Variants in ERBIN observed in about 807,000 individuals in gnomAD.
ERBIN encodes the protein densin-180-like protein.
ERBIN carries 60 observed loss-of-function variants against 158.4 expected under a neutral mutation model. That is an observed-to-expected ratio of 0.38 (90% CI 0.31 to 0.47). The LOEUF (loss-of-function observed/expected upper bound fraction) is 0.47, where lower values mean the gene tolerates loss of function less well. Ranked by LOEUF, ERBIN falls within the 20% of genes least tolerant of loss-of-function variation. The pLI is 0.99. For missense variants in ERBIN, 1,610 were observed against 1,648.0 expected (o/e 0.98, Z 0.40); for synonymous variants, 594 against 557.2 (o/e 1.07, Z -0.93).
chr5:65,933,219 G>A (rs1743658834), intron 1 of ERBIN, among the ~76,000 whole-genome samples: 1 of 152,138 alleles, frequency 6.6e-6, no homozygotes, highest in Non-Finnish European at 1.5e-5. Flanking sequence ...TGCTTTTGGT[G>A]TATGTCATGC....
At chr5:66,055,190 T>C (rs1251190498) in intron 21 of ERBIN, 1 of 948,628 alleles carries the variant, frequency 1.1e-6, no homozygotes, top group East Asian at 3.9e-5. Flanking sequence ...ATTTTATATG[T>C]TTATGTGTCT....
chr5:65,965,559 C>CACGCCTGGCTA, intron 1 of ERBIN, among the ~76,000 whole-genome samples: 1 of 151,650 alleles, frequency 6.6e-6, no homozygotes, highest in South Asian at 2.1e-4. Flanking sequence ...CATGTGCTAC[C>CACGCCTGGCTA]ATTTTTGTAT....
intron 1 of ERBIN, among the ~76,000 whole-genome samples, chr5:65,974,659 A>G (rs1451692375): frequency 6.6e-6 from 1 of 152,210 alleles, no homozygotes; most frequent in African/African-American, 2.4e-5. Context: ...TACCTCAGCC[A>G]TTGCTTTTGG....
chr5:66,060,637 G>A (rs1760174597), intron 21 of ERBIN, among the ~76,000 whole-genome samples: 1 of 152,136 alleles, frequency 6.6e-6, no homozygotes, highest in South Asian at 2.1e-4. Context: ...ATGTTAGGGT[G>A]TCAATTTTAG....
In ERBIN at chr5:66,061,796, C is replaced by T. The variant is rs933720133; in HGVS notation, c.3633+6845C>T. Among the ~76,000 whole-genome samples, 31 of 152,260 alleles carry T rather than the reference C, an allele frequency of 2.0e-4. 1 individual carries two copies. Among genetic ancestry groups the T allele is most frequent in the African/African-American group, 5.8e-4 (24 of 41,536 alleles). Reference sequence around the variant, plus strand: ...TGTAAGGTATTTTATTTCTCCTTCACTTATGAAGCTTAGTTTGGCTGGATA... The same window carrying T: ...TGTAAGGTATTTTATTTCTCCTTCATTTATGAAGCTTAGTTTGGCTGGATA... On this transcript the variant is annotated intron_variant, in intron 21 of 25. Transcript: ENST00000284037.
intron 4 of ERBIN, among the ~76,000 whole-genome samples, chr5:66,005,697 A>G (rs1753509362): frequency 6.6e-6 from 1 of 152,204 alleles, no homozygotes; most frequent in Non-Finnish European, 1.5e-5. Flanking sequence ...CAACTTCAGC[A>G]AAGTCTCAGG....
At chr5:65,946,360 T>C (rs998654936) in intron 1 of ERBIN, among the ~76,000 whole-genome samples, 5 of 151,478 alleles carry the variant, frequency 3.3e-5, no homozygotes, top group African/African-American at 1.2e-4. Context: ...CAAGACTCAG[T>C]CTCATAAATG....
intron 4 of ERBIN, among the ~76,000 whole-genome samples, chr5:65,998,683 G>T (rs541892025): frequency 6.6e-6 from 1 of 151,960 alleles, no homozygotes; most frequent in Non-Finnish European, 1.5e-5. Flanking sequence ...GATCCCTTGA[G>T]CTCAGGAGTT....
intron 15 of ERBIN, among the ~76,000 whole-genome samples, chr5:66,039,894 G>T (rs187626791): frequency 6.3e-4 from 95 of 151,958 alleles, no homozygotes; most frequent in Non-Finnish European, 1.1e-3. Flanking sequence ...AATAGGTTTT[G>T]CTACATCTAA....
chr5:65,950,120 C>T (rs1310161417), intron 1 of ERBIN, among the ~76,000 whole-genome samples: 3 of 152,208 alleles, frequency 2.0e-5, no homozygotes, highest in Non-Finnish European at 4.4e-5. Flanking sequence ...ATTCTCCTGC[C>T]TCGGCCTCTT....
intron 4 of ERBIN, among the ~76,000 whole-genome samples, chr5:66,011,486 G>A (rs531524432): frequency 3.3e-5 from 5 of 152,246 alleles, no homozygotes; most frequent in Middle Eastern, 6.8e-3. Context: ...TCAGGAGTTC[G>A]AGACCAGTCT....
intron 1 of ERBIN, among the ~76,000 whole-genome samples, chr5:65,982,990 A>G (rs187125911): frequency 3.9e-5 from 6 of 152,290 alleles, no homozygotes; most frequent in Admixed American, 3.9e-4. Context: ...ATATGATTGT[A>G]TTTCTCTACC....
At chr5:66,073,368 C>G (rs1372734694) in intron 22 of ERBIN, among the ~76,000 whole-genome samples, 1 of 152,124 alleles carries the variant, frequency 6.6e-6, no homozygotes, top group Non-Finnish European at 1.5e-5. Context: ...AAATCAGTTG[C>G]ATTAAATCTA....
chr5:66,050,717 C>A, intron 19 of ERBIN, 66 bp from the exon 20 acceptor site: 1 of 1,034,220 alleles, frequency 9.7e-7, no homozygotes, highest in South Asian at 1.9e-5. Flanking sequence ...CATTTGTCAT[C>A]ACTGAAAAGA....
At position 66,013,417 on chromosome 5, in the gene ERBIN, A is replaced by G. The variant is rs1754410267; in HGVS notation, c.387-132A>G. The G allele has an allele frequency of 1.0e-5, 7 of 689,340 alleles. No homozygotes were observed. In the Admixed American group the frequency reaches 1.8e-4, roughly 18 times the overall value. The allele number at this position is 689,340 out of a possible 1,614,324, so 42.7% of individuals were successfully genotyped here. A position where few individuals can be genotyped will look rare whatever the true frequency, so the allele number is the denominator to read the frequency against. On this transcript the variant is annotated intron_variant, in intron 5 of 25. Transcript: ENST00000284037. Reference sequence around the variant, plus strand: ...AAGGCAAATCTTTGAAGGGGCTCTCATAAAAGTAGCCACTCATAACAGAAG... The same window carrying G: ...AAGGCAAATCTTTGAAGGGGCTCTCGTAAAAGTAGCCACTCATAACAGAAG...
At chr5:66,055,375 C>G (rs991017031) in intron 21 of ERBIN, among the ~76,000 whole-genome samples, 8 of 151,936 alleles carry the variant, frequency 5.3e-5, no homozygotes, top group African/African-American at 1.4e-4. Flanking sequence ...ATATTTTTTC[C>G]CCAGTCCACA....
chr5:66,010,872 ATTAT>A (rs1754128043), intron 4 of ERBIN, among the ~76,000 whole-genome samples: 1 of 152,154 alleles, frequency 6.6e-6, no homozygotes, highest in African/African-American at 2.4e-5. Flanking sequence ...TAGTCCACAA[ATTAT>A]TTATTACTTT....
chr5:66,060,775 T>G (rs1002123897), intron 21 of ERBIN, among the ~76,000 whole-genome samples: 2 of 152,236 alleles, frequency 1.3e-5, no homozygotes, highest in Non-Finnish European at 2.9e-5. Context: ...ACATCTTTTT[T>G]TTCTACCTTC....
Position 66,076,319 on chromosome 5 carries a change from C to G in ERBIN, c.3967C>G (p.Arg1323Gly), listed in dbSNP as rs1363604870. ...CTTTATTTTCATATTAACTCAGATT[C>G]GAGTGAGGGTTGAAAAGGATCCAGA... ...QGHELAKQEI[R>G]VRVEKDPELG... The change falls in exon 24 of 26, where the codon CGA becomes GGA. Residue 1323 changes from arginine (R) to glycine (G), a missense_variant. Coordinates refer to ENST00000284037, the MANE Select transcript of ERBIN (RefSeq NM_001253697.2). 3 of 1,610,136 alleles carry G rather than the reference C, an allele frequency of 1.9e-6. No homozygotes were observed. The East Asian group carries it at 6.7e-5, about 36-fold the overall frequency.
Sources: allele counts gnomAD v4.1 joint callset (sites outside exome capture counted in the v4.1 genomes callset), GRCh38; gene constraint gnomAD v4.1.1; transcripts MANE v1.5; gene names NCBI Gene and HGNC (gene_info 2026-07-23, HGNC 2026-07-21).